The following NKAIN2 variants were observed in gnomAD, a reference collection of about 807,000 sequenced individuals.
NKAIN2 encodes sodium/potassium-transporting ATPase subunit beta-1-interacting protein 2.
A neutral mutation model predicts 32.6 loss-of-function variants in NKAIN2; 14 were observed. That is an observed-to-expected ratio of 0.43 (90% CI 0.28 to 0.67). NKAIN2 has a LOEUF of 0.67. Among genes scored for constraint, NKAIN2 ranks in the 30% least tolerant of loss-of-function variants. The probability of loss-of-function intolerance (pLI) is 0.17; values close to 1 mark genes in which losing one functional copy is unlikely to be tolerated. For synonymous variants in NKAIN2, 80 were observed against 87.2 expected, an observed-to-expected ratio of 0.92 and a Z score of 0.46; for missense variants, 198 against 258.3, an observed-to-expected ratio of 0.77 and a Z score of 1.60.
chr6:124,537,032 G>A (rs1779742000), intron 3 of NKAIN2, among the ~76,000 whole-genome samples: 1 of 152,124 alleles, frequency 6.6e-6, no homozygotes, highest in South Asian at 2.1e-4. Context: ...GCCACCCTGT[G>A]ACCACGTGGA....
intron 3 of NKAIN2, among the ~76,000 whole-genome samples, chr6:124,597,667 C>A (rs1354552303): frequency 1.3e-5 from 2 of 152,080 alleles, no homozygotes; most frequent in Non-Finnish European, 2.9e-5. Flanking sequence ...AACTCTCTAC[C>A]TCTAAGCCAC....
At chr6:123,973,943 T>G (rs992197952) in intron 1 of NKAIN2, among the ~76,000 whole-genome samples, 3 of 152,100 alleles carry the variant, frequency 2.0e-5, no homozygotes, top group Non-Finnish European at 4.4e-5. Context: ...ATCCTAATAA[T>G]CGATTATGAA....
chr6:124,093,454 T>A (rs898882431), intron 1 of NKAIN2, among the ~76,000 whole-genome samples: 1 of 152,058 alleles, frequency 6.6e-6, no homozygotes, highest in African/African-American at 2.4e-5. Flanking sequence ...TTAAATAAAG[T>A]GACATATGAA....
Position 124,666,579 on chromosome 6 carries a change from G to A in NKAIN2, c.474+8193G>A, listed in dbSNP as rs186642280. Among the ~76,000 whole-genome samples, 20 of 152,170 alleles carry A rather than the reference G, an allele frequency of 1.3e-4. No individual in the cohort carries two copies. In the East Asian group the frequency reaches 3.5e-3, roughly 26 times the overall value. On this transcript the variant is annotated intron_variant, in intron 4 of 6. Coordinates refer to ENST00000368417, the MANE Select transcript of NKAIN2 (RefSeq NM_001040214.3). ...CATCCCCTTTGGAGTGTAACACCTT[G>A]ATTGTAATGTCAATCAAGTTTTGGT...
At chr6:124,649,274 T>C (rs1180928744) in intron 3 of NKAIN2, among the ~76,000 whole-genome samples, 1 of 152,102 alleles carries the variant, frequency 6.6e-6, no homozygotes, top group Non-Finnish European at 1.5e-5. Flanking sequence ...ACTAATATTA[T>C]CAATGAAAGC....
chr6:123,859,440 T>A (rs1178811520), intron 1 of NKAIN2, among the ~76,000 whole-genome samples: 1 of 152,074 alleles, frequency 6.6e-6, no homozygotes, highest in African/African-American at 2.4e-5. Flanking sequence ...TTTCTTCTGT[T>A]ATAGACACAC....
intron 1 of NKAIN2, among the ~76,000 whole-genome samples, chr6:124,103,441 CTG>C (rs2114954204): frequency 1.3e-5 from 2 of 152,268 alleles, no homozygotes; most frequent in Non-Finnish European, 2.9e-5. Flanking sequence ...CTTCTAGAGT[CTG>C]TTACTATAAT....
intron 3 of NKAIN2, among the ~76,000 whole-genome samples, chr6:124,407,950 T>C (rs991333301): frequency 2.6e-5 from 4 of 151,826 alleles, no homozygotes; most frequent in Non-Finnish European, 5.9e-5. Context: ...TGGCCAGTGA[T>C]GATGAGCATT....
At chr6:123,879,265 A>T (rs1482650356) in intron 1 of NKAIN2, among the ~76,000 whole-genome samples, 1 of 152,152 alleles carries the variant, frequency 6.6e-6, no homozygotes, top group Admixed American at 6.5e-5. Flanking sequence ...AATATGCTTC[A>T]TGTCTGCTGC....
rs1424006455 is a variant in NKAIN2, at chr6:124,173,493, C to G, written c.55-109512C>G. 2.0e-5 allele frequency among the ~76,000 whole-genome samples: 3 copies of G among 151,926 alleles called. No individual in the cohort carries two copies. The East Asian group carries it at 5.8e-4, about 29-fold the overall frequency. ...CCTCAAAGATTGAGCCTTAAAGAAG[C>G]AACAAGAAAGTGCATAAAAAATGCA... On this transcript the variant is annotated intron_variant, in intron 1 of 6. Coordinates refer to ENST00000368417, the MANE Select transcript of NKAIN2 (RefSeq NM_001040214.3).
chr6:124,346,212 T>A (rs1409055419), intron 2 of NKAIN2, among the ~76,000 whole-genome samples: 3 of 152,216 alleles, frequency 2.0e-5, no homozygotes, highest in Non-Finnish European at 2.9e-5. Flanking sequence ...TTTTTTATAA[T>A]TTCTGTTCTT....
chr6:124,781,761 C>G (rs1211829609), intron 4 of NKAIN2, among the ~76,000 whole-genome samples: 1 of 151,914 alleles, frequency 6.6e-6, no homozygotes. Context: ...TGAAGAACAC[C>G]AATTATAGCC....
chr6:123,995,531 C>T (rs1023510643), intron 1 of NKAIN2, among the ~76,000 whole-genome samples: 3 of 152,178 alleles, frequency 2.0e-5, no homozygotes, highest in Admixed American at 1.3e-4. Flanking sequence ...CATCCACTTG[C>T]ACTGGCCTCT....
intron 1 of NKAIN2, among the ~76,000 whole-genome samples, chr6:123,930,103 T>C (rs1011001010): frequency 6.6e-6 from 1 of 152,076 alleles, no homozygotes; most frequent in African/African-American, 2.4e-5. Context: ...AATGTACAAC[T>C]CTTCAAAATA....
intron 4 of NKAIN2, among the ~76,000 whole-genome samples, chr6:124,701,157 A>ACACG (rs1330908172): frequency 1.3e-5 from 2 of 150,408 alleles, no homozygotes; most frequent in African/African-American, 4.9e-5. Context: ...ACACACGCAC[A>ACACG]CACACACACA....
At position 123,831,660 on chromosome 6, in the gene NKAIN2, T is replaced by TG. The variant is rs1774385615; in HGVS notation, c.54+27407dup. Among the ~76,000 whole-genome samples the TG allele has an allele frequency of 4.7e-5, 7 of 148,972 alleles. No individual in the cohort carries two copies. In the South Asian group the frequency reaches 1.1e-3, roughly 23 times the overall value. ...GTACCTTTGTTACAGTTTTTTTTTT[T>TG]GTTTTTTTTTTTTGAGACGGAGTTT... On this transcript the variant is annotated intron_variant, in intron 1 of 6. Transcript: ENST00000368417.
chr6:124,765,389 A>T (rs910809994), intron 4 of NKAIN2, among the ~76,000 whole-genome samples: 2 of 152,208 alleles, frequency 1.3e-5, no homozygotes, highest in African/African-American at 4.8e-5. Context: ...ATCAAGAAGG[A>T]AATGTGTGTT....
chr6:124,218,284 A>G (rs527493412), intron 1 of NKAIN2, among the ~76,000 whole-genome samples: 5 of 152,246 alleles, frequency 3.3e-5, no homozygotes, highest in South Asian at 4.1e-4. Flanking sequence ...TGCGTGGAGT[A>G]TTTTTAATGA....
chr6:124,224,065 A>G (rs542691001), intron 1 of NKAIN2, among the ~76,000 whole-genome samples: 1 of 152,274 alleles, frequency 6.6e-6, no homozygotes, highest in South Asian at 2.1e-4. Context: ...TCTCAGAGTC[A>G]AGAACAAGAT....
Sources: allele counts gnomAD v4.1 joint callset (sites outside exome capture counted in the v4.1 genomes callset), GRCh38; gene constraint gnomAD v4.1.1; transcripts MANE v1.5; gene names NCBI Gene and HGNC (gene_info 2026-07-23, HGNC 2026-07-21).